Variants in TMEM131L observed in about 807,000 individuals in gnomAD.
TMEM131L encodes the protein transmembrane protein 131-like.
TMEM131L carries 54 observed loss-of-function variants against 192.2 expected under a neutral mutation model. The observed-to-expected ratio is 0.28, with a 90% CI of 0.23 to 0.35. The LOEUF is 0.35. TMEM131L is among the 10% of genes least tolerant of loss of function. The pLI, the probability that TMEM131L is intolerant of heterozygous loss-of-function variation, is 1.00. For missense variants in TMEM131L, 1,888 were observed against 1,972.9 expected, an observed-to-expected ratio of 0.96 and a Z score of 0.82; for synonymous variants, 701 against 704.9, an observed-to-expected ratio of 0.99 and a Z score of 0.09.
chr4:153,486,442 T>C (rs893135040), intron 3 of TMEM131L, among the ~76,000 whole-genome samples: 2 of 152,234 alleles, frequency 1.3e-5, no homozygotes, highest in African/African-American at 4.8e-5. Context: ...AACAAAACCC[T>C]GACTCAACCA....
intron 31 of TMEM131L, among the ~76,000 whole-genome samples, chr4:153,631,765 A>G (rs1352031666): frequency 2.0e-5 from 3 of 152,200 alleles, no homozygotes; most frequent in Non-Finnish European, 4.4e-5. Context: ...AGGGGCCCAC[A>G]GGCTCTGTCT....
rs1405908030 is a variant in TMEM131L at position 153,621,666 on chromosome 4, G to A, written c.3693-17G>A. On this transcript the variant is annotated splice_polypyrimidine_tract_variant and intron_variant, in intron 27 of 34. Coordinates refer to ENST00000409959, the MANE Select transcript of TMEM131L (RefSeq NM_001131007.2). The stretch of plus-strand genomic sequence containing the variant: ...AAAATACAGATGTGTTTTTTTGTGT[G>A]TGTGTGTCTTTTCCAGGCCTCCTGA... The A allele has an allele frequency of 1.9e-6, 3 of 1,608,844 alleles. No individual in the cohort carries two copies. The highest frequency in any genetic ancestry group is 1.7e-5 in the Admixed American group (1 of 58,424).
intron 3 of TMEM131L, among the ~76,000 whole-genome samples, chr4:153,483,098 TA>T (rs1732060411): frequency 6.6e-6 from 1 of 152,242 alleles, no homozygotes; most frequent in African/African-American, 2.4e-5. Context: ...AACACTTCGT[TA>T]ATGTCAACTT....
chr4:153,492,551 T>G (rs1488810992), intron 3 of TMEM131L, among the ~76,000 whole-genome samples: 1 of 152,204 alleles, frequency 6.6e-6, no homozygotes, highest in African/African-American at 2.4e-5. Flanking sequence ...AATATTCTGA[T>G]GTAATAAGTG....
rs561147526 is a variant in TMEM131L, at chr4:153,556,652, T to C, written c.433-314T>C. Among the ~76,000 whole-genome samples the C allele has an allele frequency of 2.6e-4, 40 of 152,276 alleles. 1 individual carries two copies. In the South Asian group the frequency reaches 5.8e-3, roughly 22 times the overall value. On this transcript the variant is annotated intron_variant, in intron 5 of 34. Coordinates refer to ENST00000409959, the MANE Select transcript of TMEM131L (RefSeq NM_001131007.2). ...ACGTTGGTTATTGTCTATATTTAAG[T>C]AGAGATAGAACTGTGTTAGCTAAAG...
rs781629334 is a variant in TMEM131L at position 153,604,177 on chromosome 4, T to C, written c.3165T>C (p.Asn1055=). The change falls in exon 25 of 35, where the codon AAT becomes AAC. Residue 1055 remains asparagine (N), a synonymous_variant. Coordinates refer to ENST00000409959, the MANE Select transcript of TMEM131L (RefSeq NM_001131007.2). Reference sequence around the variant, plus strand: ...TAACCCTTCCCAAAAACTTACTGAATAAAGAAGAAAACACACTGAAAAACA... The same window carrying C: ...TAACCCTTCCCAAAAACTTACTGAACAAAGAAGAAAACACACTGAAAAACA... ...KNLTLPKNLL[N]KEENTLKNTI... The C allele has an allele frequency of 6.2e-7, 1 of 1,613,966 alleles. No homozygotes were observed. The highest frequency in any genetic ancestry group is 1.3e-5 in the African/African-American group (1 of 74,910).
At chr4:153,493,733 T>C (rs901404275) in intron 3 of TMEM131L, among the ~76,000 whole-genome samples, 13 of 152,210 alleles carry the variant, frequency 8.5e-5, no homozygotes, top group African/African-American at 3.1e-4. Flanking sequence ...CTGGTGACTT[T>C]TGGTGAGTTG....
Position 153,622,988 on chromosome 4 carries a change from G to C in TMEM131L, c.3950G>C (p.Arg1317Pro). The change falls in exon 29 of 35, where the codon CGT becomes CCT. Residue 1317 changes from arginine to proline, a missense_variant. Coordinates refer to ENST00000409959, the MANE Select transcript of TMEM131L (RefSeq NM_001131007.2). The part of the protein sequence containing the change: ...SDCGSSSGSV[R>P]ASRGSWGSWS... ...TGTGGGAGCTCCTCTGGCAGCGTGC[G>C]TGCCAGCCGGGGCAGCTGGGGGAGC... 1 of 1,614,128 alleles carries C rather than the reference G, an allele frequency of 6.2e-7. No homozygotes were observed. The highest frequency in any genetic ancestry group is 8.5e-7 in the Non-Finnish European group (1 of 1,179,972).
chr4:153,575,069 T>C (rs938490445), intron 7 of TMEM131L, among the ~76,000 whole-genome samples: 17 of 152,270 alleles, frequency 1.1e-4, no homozygotes, highest in Non-Finnish European at 2.5e-4. Flanking sequence ...ATCAAGCCTC[T>C]TGTTCATTCT....
chr4:153,484,575 T>C (rs920598344), intron 3 of TMEM131L, among the ~76,000 whole-genome samples: 15 of 150,976 alleles, frequency 9.9e-5, no homozygotes, highest in Non-Finnish European at 1.8e-4. Context: ...TTCATGCCAT[T>C]CTCCTGCCTC....
intron 3 of TMEM131L, among the ~76,000 whole-genome samples, chr4:153,518,864 C>T (rs555752982): frequency 3.3e-5 from 5 of 152,132 alleles, no homozygotes; most frequent in East Asian, 1.9e-4. Flanking sequence ...TCTATCCTAA[C>T]GGTGCCTGCC....
intron 3 of TMEM131L, among the ~76,000 whole-genome samples, chr4:153,540,171 A>C (rs1736670245): frequency 6.6e-6 from 1 of 152,090 alleles, no homozygotes; most frequent in African/African-American, 2.4e-5. Flanking sequence ...CTGTCAGTTC[A>C]GTGTGTTTTA....
In TMEM131L at chr4:153,466,484, G is replaced by A; in HGVS notation, c.87G>A (p.Leu29=). The A allele has an allele frequency of 1.4e-6, 2 of 1,414,662 alleles. No individual in the cohort carries two copies. The highest frequency in any genetic ancestry group is 1.9e-6 in the Non-Finnish European group (2 of 1,075,488). 87.6% of individuals were successfully genotyped at this position (1,414,662 alleles called of 1,614,324 possible). Residue 29 remains leucine (L), a synonymous_variant, in exon 1 of 35, where the codon CTG becomes CTA. Transcript: ENST00000409959. ...TCCTGCTGGGCGTCTTCCAGGTCCT[G>A]CTGCCCTGCTGTCGCCCGGGAGGGG... ...VNLLLGVFQV[L]LPCCRPGGAQ... is the part of the protein sequence containing the mutation.
chr4:153,612,364 C>T lies in TMEM131L; in HGVS notation c.3531C>T (p.Asp1177=). Residue 1177 remains aspartate (D), a synonymous_variant, in exon 26 of 35, where the codon GAC becomes GAT. Transcript: ENST00000409959. The part of the protein sequence containing the change: ...EKKIHKTSRE[D]MFSEKQDIPF... Reference sequence around the variant, plus strand: ...AGATTCACAAAACATCTAGAGAAGACATGTTTTCTGAGAAACAGGACATAC... The same window carrying T: ...AGATTCACAAAACATCTAGAGAAGATATGTTTTCTGAGAAACAGGACATAC... 1 of 1,595,890 alleles carries T rather than the reference C, an allele frequency of 6.3e-7. No homozygotes were observed. The highest frequency in any genetic ancestry group is 1.3e-5 in the African/African-American group (1 of 74,198).
intron 9 of TMEM131L, 27 bp downstream of exon 9, chr4:153,581,587 T>C: frequency 1.4e-6 from 2 of 1,474,508 alleles, no homozygotes; most frequent in Non-Finnish European, 1.8e-6. Context: ...AAAAATTTTA[T>C]TATATTTTCA....
chr4:153,620,674 ATGGAGT>A, intron 26 of TMEM131L, 76 bp from the exon 27 acceptor site: 7 of 835,014 alleles, frequency 8.4e-6, no homozygotes, highest in Non-Finnish European at 1.2e-5. Flanking sequence ...CTGAATTCAG[ATGGAGT>A]TGGTCTTCAA....
intron 3 of TMEM131L, among the ~76,000 whole-genome samples, chr4:153,494,553 C>T (rs1429685470): frequency 1.3e-5 from 2 of 152,134 alleles, no homozygotes; most frequent in South Asian, 2.1e-4. Flanking sequence ...GGGAAACTCA[C>T]AATAAGGGGA....
chr4:153,535,874 C>T (rs773952376), intron 3 of TMEM131L, among the ~76,000 whole-genome samples: 8 of 152,140 alleles, frequency 5.3e-5, no homozygotes, highest in Non-Finnish European at 1.5e-5. Flanking sequence ...TCTTGTTGCA[C>T]ACAGCAGCTT....
chr4:153,632,875 T>C (rs370270675), intron 32 of TMEM131L, 37 bp downstream of exon 32: 1 of 1,610,344 alleles, frequency 6.2e-7, no homozygotes, highest in Non-Finnish European at 8.5e-7. Flanking sequence ...CCTTGCTTAG[T>C]CTAAGGGCTT....
Sources: allele counts gnomAD v4.1 joint callset (sites outside exome capture counted in the v4.1 genomes callset), GRCh38; gene constraint gnomAD v4.1.1; transcripts MANE v1.5; gene names NCBI Gene and HGNC (gene_info 2026-07-23, HGNC 2026-07-21).